SLU7: variants seen among roughly 807,000 people sequenced by gnomAD.
SLU7 encodes the protein spliceosome associated SLU7, also known as pre-mRNA-splicing factor SLU7.
SLU7 carries 60 observed loss-of-function variants against 87.0 expected under a neutral mutation model. That is an observed-to-expected ratio of 0.69 (90% CI 0.56 to 0.86). The LOEUF (loss-of-function observed/expected upper bound fraction) is 0.86, where lower values mean the gene tolerates loss of function less well. Ranked by LOEUF, SLU7 falls within the 40% of genes least tolerant of loss-of-function variation. SLU7 has a pLI of 0.00. For missense variants in SLU7, 507 were observed against 686.6 expected, an observed-to-expected ratio of 0.74 and a Z score of 2.92; for synonymous variants, 197 against 222.0, an observed-to-expected ratio of 0.89 and a Z score of 1.00.
At chr5:160,404,701 G>A (rs1581059922) in intron 14 of SLU7, 108 bp downstream of exon 14, 1 of 922,864 alleles carries the variant, frequency 1.1e-6, no homozygotes, top group Non-Finnish European at 1.7e-6. Context: ...CTCGAGCCTG[G>A]GCGACAGAAT....
intron 13 of SLU7, 27 bp from the exon 14 acceptor site, chr5:160,404,907 T>G (rs371825528): frequency 2.8e-5 from 44 of 1,549,072 alleles, no homozygotes; most frequent in East Asian, 2.5e-4. Flanking sequence ...TAATTTGAGT[T>G]GAGTGTCATA....
chr5:160,404,884 T>A lies in SLU7; in HGVS notation c.1393-4A>T. ...TTATAATACACTCCTCAGAGTTCTG[T>A]GGGAAATACATGTAATTTGAGTTGA... On this transcript the variant is annotated splice_region_variant and splice_polypyrimidine_tract_variant and intron_variant, in intron 13 of 15. Transcript: ENST00000297151. 1 of 1,602,736 alleles carries A rather than the reference T, an allele frequency of 6.2e-7. No homozygotes were observed.
chr5:160,403,716 TAAC>T (rs1764884478), intron 15 of SLU7, among the ~76,000 whole-genome samples: 1 of 152,204 alleles, frequency 6.6e-6, no homozygotes, highest in Non-Finnish European at 1.5e-5. Context: ...TTTTATTTAA[TAAC>T]AAAAATTAAA....
At position 160,412,441 on chromosome 5, in the gene SLU7, C is replaced by A; in HGVS notation, c.639+10G>T. On this transcript the variant is annotated intron_variant, in intron 6 of 15. Transcript: ENST00000297151. ...ATAAAACCTTTTTATTGATCATTTTCATTACTTACAGCCTGTTCCACTAAT... is the reference window on the plus strand; with the variant it reads ...ATAAAACCTTTTTATTGATCATTTTAATTACTTACAGCCTGTTCCACTAAT... 7.0e-7 allele frequency: 1 copy of A among 1,435,610 alleles called. No individual in the cohort carries two copies. Among genetic ancestry groups the A allele is most frequent in the Non-Finnish European group, 9.6e-7 (1 of 1,039,840 alleles). 88.9% of individuals were successfully genotyped at this position (1,435,610 alleles called of 1,614,324 possible).
intron 14 of SLU7, 123 bp downstream of exon 14, chr5:160,404,686 C>A: frequency 1.1e-6 from 1 of 892,022 alleles, no homozygotes; most frequent in Non-Finnish European, 1.8e-6. Context: ...AGACCGTGCA[C>A]TGCGCTCGAG....
At chr5:160,404,930 C>G (rs772202548) in intron 13 of SLU7, 50 bp from the exon 14 acceptor site, 2 of 1,521,064 alleles carry the variant, frequency 1.3e-6, no homozygotes, top group Non-Finnish European at 1.8e-6. Context: ...TACTAATCAT[C>G]TAAGAACAAG....
At chr5:160,411,199 C>T (rs1765220247) in intron 6 of SLU7, among the ~76,000 whole-genome samples, 1 of 151,966 alleles carries the variant, frequency 6.6e-6, no homozygotes, top group Admixed American at 6.5e-5. Context: ...ATGTATGTCT[C>T]ATGGAGCAGA....
chr5:160,412,495 T>C lies in SLU7; in HGVS notation c.595A>G (p.Lys199Glu). The part of the protein sequence containing the change: ...DLAKRTLKAQ[K>E]LQEELASGKL... ...CCTGAGGCTAATTCCTCTTGGAGTT[T>C]CTGGGCTTTCAATGTTCGTTTTGCC... The change falls in exon 6 of 16, where the codon AAA becomes GAA. Residue 199 changes from lysine (K) to glutamate (E), a missense_variant. Lys to Glu is a moderately conservative substitution (Grantham distance 56). Coordinates refer to ENST00000297151, the MANE Select transcript of SLU7 (RefSeq NM_006425.5). 6.6e-7 allele frequency: 1 copy of C among 1,524,068 alleles called. No homozygotes were observed. The highest frequency in any genetic ancestry group is 8.9e-7 in the Non-Finnish European group (1 of 1,125,350). 94.4% of individuals were successfully genotyped at this position (1,524,068 alleles called of 1,614,324 possible). A position where few individuals can be genotyped will look rare whatever the true frequency, so the allele number is the denominator to read the frequency against.
chr5:160,407,949 G>A lies in SLU7; in HGVS notation c.917+22C>T. ...TTAACTTTCTCTCATCTTAAAATCT[G>A]TACATTTAACTTGATACTTACTCAT... On this transcript the variant is annotated intron_variant, in intron 9 of 15. Coordinates refer to ENST00000297151, the MANE Select transcript of SLU7 (RefSeq NM_006425.5). The surrounding 1 kb of genome is among the most constrained non-coding windows in gnomAD (Gnocchi z 4.2). The A allele has an allele frequency of 6.5e-7, 1 of 1,546,478 alleles. No individual in the cohort carries two copies. The highest frequency in any genetic ancestry group is 8.9e-7 in the Non-Finnish European group (1 of 1,119,210).
intron 8 of SLU7, 101 bp from the exon 9 acceptor site, chr5:160,408,169 T>G (rs1301943640): frequency 9.0e-7 from 1 of 1,105,528 alleles, no homozygotes; most frequent in African/African-American, 1.6e-5. Flanking sequence ...AATAAATGTG[T>G]GTATACATTT....
rs773393454 is a variant in SLU7, at chr5:160,408,307, A to G, written c.819+22T>C. 3.8e-6 allele frequency: 6 copies of G among 1,597,150 alleles called. No individual in the cohort carries two copies. The African/African-American group carries it at 8.1e-5, about 22-fold the overall frequency. On this transcript the variant is annotated intron_variant, in intron 8 of 15. Transcript: ENST00000297151. Reference sequence around the variant, plus strand: ...GAAGACAAGTATTTTTCAAATATGTATGTTAAGCTGACAAGACTTACTTTT... The same window carrying G: ...GAAGACAAGTATTTTTCAAATATGTGTGTTAAGCTGACAAGACTTACTTTT...
chr5:160,414,059 T>C, intron 3 of SLU7, 80 bp from the exon 4 acceptor site: 1 of 899,176 alleles, frequency 1.1e-6, no homozygotes, highest in East Asian at 2.8e-5. Flanking sequence ...TACTATTTTG[T>C]CTAGGGAAAT....
chr5:160,404,402 C>A, intron 15 of SLU7, 38 bp downstream of exon 15: 1 of 1,234,560 alleles, frequency 8.1e-7, no homozygotes, highest in Non-Finnish European at 1.2e-6. Context: ...AAGAATACTG[C>A]TACTTGTCAC....
intron 12 of SLU7, among the ~76,000 whole-genome samples, chr5:160,406,041 G>A (rs6895858): frequency 8.5e-5 from 13 of 152,242 alleles, no homozygotes; most frequent in Middle Eastern, 6.8e-3. Flanking sequence ...CAATAATGTC[G>A]ATGTGGTTAT....
At chr5:160,412,935 C>T (rs993711540) in intron 5 of SLU7, among the ~76,000 whole-genome samples, 5 of 134,336 alleles carry the variant, frequency 3.7e-5, no homozygotes, top group Non-Finnish European at 8.3e-5. Flanking sequence ...TAAAATGATA[C>T]CTCTAATTAA....
rs1561562226 is a variant in SLU7, at chr5:160,413,472, T to C, written c.554A>G (p.Tyr185Cys). The C allele has an allele frequency of 6.2e-7, 1 of 1,613,202 alleles. No homozygotes were observed. The highest frequency in any genetic ancestry group is 8.5e-7 in the Non-Finnish European group (1 of 1,179,722). Residue 185 changes from tyrosine to cysteine, a missense_variant, in exon 5 of 16, where the codon TAT becomes TGT. Tyr to Cys is a radical substitution (Grantham distance 194, BLOSUM62 -2). This residue lies in a region of SLU7 where 155 missense variants were observed against 154.4 expected (regional missense o/e 1.00). Coordinates refer to ENST00000297151, the MANE Select transcript of SLU7 (RefSeq NM_006425.5). The stretch of plus-strand genomic sequence containing the variant: ...TTTGCTCACCAAATCAACTTTGGCA[T>C]ACTCTTCAACAATTTTCATGTGTTC... ...PEEHMKIVEEYAKVDLAKRTL... is the reference protein window; with the variant it reads ...PEEHMKIVEECAKVDLAKRTL...
rs757248555 is a variant in SLU7 at position 160,412,513 on chromosome 5, G to C, written c.577C>G (p.Arg193Gly). 1.9e-6 allele frequency: 2 copies of C among 1,040,706 alleles called. No homozygotes were observed. Among genetic ancestry groups the C allele is most frequent in the Admixed American group, 3.3e-5 (1 of 30,516 alleles). The allele number at this position is 1,040,706 out of a possible 1,614,324, so 64.5% of individuals were successfully genotyped here. Residue 193 changes from arginine (R) to glycine (G), a missense_variant, in exon 6 of 16, where the codon CGA becomes GGA. Physicochemically the swap from Arg to Gly is moderately radical, Grantham distance 125. Transcript: ENST00000297151. Reference protein sequence around the residue: ...EEYAKVDLAKRTLKAQKLQEE... With the variant: ...EEYAKVDLAKGTLKAQKLQEE... Reference sequence around the variant, plus strand: ...TGGAGTTTCTGGGCTTTCAATGTTCGTTTTGCCTTTAAAAAAAAAAAAAAG... The same window carrying C: ...TGGAGTTTCTGGGCTTTCAATGTTCCTTTTGCCTTTAAAAAAAAAAAAAAG...
rs767898614 is a variant in SLU7 at position 160,404,590 on chromosome 5, T to C, written c.1465-34A>G. On this transcript the variant is annotated intron_variant, in intron 14 of 15. Coordinates refer to ENST00000297151, the MANE Select transcript of SLU7 (RefSeq NM_006425.5). ...GAGGATTGAAATGCAGTGTTATTAA[T>C]GTGAAAACAAAGCTCAGGTGCACTA... 6 of 1,414,210 alleles carry C rather than the reference T, an allele frequency of 4.2e-6. No homozygotes were observed. In the Admixed American group the frequency reaches 9.0e-5, roughly 21 times the overall value. The allele number at this position is 1,414,210 out of a possible 1,614,324, so 87.6% of individuals were successfully genotyped here.
In SLU7 at chr5:160,413,677, T is replaced by G. The variant is rs1022901866; in HGVS notation, c.406-57A>C. On this transcript the variant is annotated intron_variant, in intron 4 of 15. Transcript: ENST00000297151. Reference sequence around the variant, plus strand: ...AAGTTTTTATGGCCCAAAGGAAAACTTCATACAACTTTTACAGAGTGGGCA... The same window carrying G: ...AAGTTTTTATGGCCCAAAGGAAAACGTCATACAACTTTTACAGAGTGGGCA... 10 of 1,482,212 alleles carry G rather than the reference T, an allele frequency of 6.7e-6. No individual in the cohort carries two copies. In the African/African-American group the frequency reaches 1.4e-4, roughly 21 times the overall value. 91.8% of individuals were successfully genotyped at this position (1,482,212 alleles called of 1,614,324 possible).
Sources: allele counts gnomAD v4.1 joint callset (sites outside exome capture counted in the v4.1 genomes callset), GRCh38; gene constraint gnomAD v4.1.1; regional missense constraint gnomAD v4.1.1; non-coding constraint Gnocchi (gnomAD v3.1); transcripts MANE v1.5; gene names NCBI Gene and HGNC (gene_info 2026-07-23, HGNC 2026-07-21).